The following RAB38 variants were observed in gnomAD, a reference collection of about 807,000 sequenced individuals.
RAB38 encodes the protein RAB38, member RAS oncogene family, also known as ras-related protein Rab-38.
Under a neutral mutation model 18.4 loss-of-function variants are expected in RAB38, and 15 were observed. That is an observed-to-expected ratio of 0.82 (90% CI 0.55 to 1.26). The LOEUF (loss-of-function observed/expected upper bound fraction) is 1.26, where lower values mean the gene tolerates loss of function less well. Among genes scored for constraint, RAB38 ranks in the 50% most tolerant of loss-of-function variants. RAB38 has a pLI of 0.00. For missense variants in RAB38, 294 were observed against 267.4 expected (o/e 1.10, Z -0.69); for synonymous variants, 101 against 104.4 (o/e 0.97, Z 0.20).
At chr11:87,902,185 CA>C in the RAB38 span, among the ~76,000 whole-genome samples, 1 of 151,382 alleles carries the variant, frequency 6.6e-6, no homozygotes, top group South Asian at 2.1e-4. Context: ...ACCCAAATGC[CA>C]GTGTTTTAAA....
chr11:87,969,370 TTTG>T, the RAB38 span, among the ~76,000 whole-genome samples: 2 of 152,168 alleles, frequency 1.3e-5, no homozygotes, highest in African/African-American at 4.8e-5. Flanking sequence ...AAAGTAAATA[TTTG>T]TTAACAACAT....
the RAB38 span, among the ~76,000 whole-genome samples, chr11:88,015,928 A>G: frequency 6.6e-6 from 1 of 152,144 alleles, no homozygotes; most frequent in Non-Finnish European, 1.5e-5. Context: ...TGCATCAGAG[A>G]TAGAGATCCT....
At chr11:87,804,670 T>C in the RAB38 span, among the ~76,000 whole-genome samples, 122 of 152,304 alleles carry the variant, frequency 8.0e-4, no homozygotes, top group African/African-American at 2.8e-3. Flanking sequence ...ACCTTTCTTA[T>C]GGTGCCCTCC....
At chr11:88,025,843 G>C in the RAB38 span, among the ~76,000 whole-genome samples, 3 of 152,098 alleles carry the variant, frequency 2.0e-5, no homozygotes, top group African/African-American at 7.2e-5. Context: ...TCTATTGACA[G>C]TTTATTTTGC....
At chr11:87,940,552 G>C in the RAB38 span, among the ~76,000 whole-genome samples, 1 of 151,360 alleles carries the variant, frequency 6.6e-6, no homozygotes, top group Non-Finnish European at 1.5e-5. Flanking sequence ...TTGTCAAAAG[G>C]GTTTTATACA....
At chr11:87,894,127 T>C in the RAB38 span, among the ~76,000 whole-genome samples, 1 of 151,826 alleles carries the variant, frequency 6.6e-6, no homozygotes, top group Admixed American at 6.6e-5. Context: ...TGTAAATCTT[T>C]CATTTCTTTA....
chr11:88,096,926 A>G, the RAB38 span, among the ~76,000 whole-genome samples: 10 of 151,668 alleles, frequency 6.6e-5, no homozygotes, highest in Admixed American at 2.0e-4. Context: ...CTTTTTTCAT[A>G]TCTGTTTTAT....
intron 1 of RAB38, among the ~76,000 whole-genome samples, chr11:88,169,956 C>T (rs1224812582): frequency 1.3e-5 from 2 of 152,140 alleles, no homozygotes; most frequent in Non-Finnish European, 2.9e-5. Context: ...ACATACCAGG[C>T]ACTTTATATA....
the RAB38 span, among the ~76,000 whole-genome samples, chr11:88,030,950 C>T: frequency 2.5e-4 from 38 of 151,382 alleles, no homozygotes; most frequent in Middle Eastern, 3.4e-3. Flanking sequence ...GACCAATATC[C>T]TTGATGAACA....
the RAB38 span, among the ~76,000 whole-genome samples, chr11:87,893,613 C>G: frequency 6.6e-6 from 1 of 151,228 alleles, no homozygotes; most frequent in Non-Finnish European, 1.5e-5. Context: ...CAATAGAGCT[C>G]TAAAACTTTT....
At chr11:87,892,537 G>A in the RAB38 span, among the ~76,000 whole-genome samples, 1 of 151,762 alleles carries the variant, frequency 6.6e-6, no homozygotes, top group Non-Finnish European at 1.5e-5. Context: ...TTCAGGGATT[G>A]CGGTTACTAG....
the RAB38 span, among the ~76,000 whole-genome samples, chr11:88,008,533 C>T: frequency 2.2e-4 from 33 of 152,080 alleles, no homozygotes; most frequent in African/African-American, 7.7e-4. Flanking sequence ...ATGAAGAAGC[C>T]TCCAGGTGAT....
At chr11:87,929,313 T>C in the RAB38 span, among the ~76,000 whole-genome samples, 4 of 152,024 alleles carry the variant, frequency 2.6e-5, no homozygotes, top group Admixed American at 6.6e-5. Context: ...TTTTAACAGT[T>C]TAGCATGGGC....
the RAB38 span, among the ~76,000 whole-genome samples, chr11:87,865,526 C>G: frequency 6.6e-6 from 1 of 151,530 alleles, no homozygotes; most frequent in Admixed American, 6.6e-5. Flanking sequence ...CCATAGGAAC[C>G]CAGACGCTTA....
the RAB38 span, among the ~76,000 whole-genome samples, chr11:87,870,537 C>T: frequency 6.6e-6 from 1 of 151,576 alleles, no homozygotes; most frequent in Non-Finnish European, 1.5e-5. Context: ...TGGCCTTTGG[C>T]TTTTCTGGCC....
the RAB38 span, among the ~76,000 whole-genome samples, chr11:87,821,731 A>C: frequency 6.6e-6 from 1 of 151,866 alleles, no homozygotes; most frequent in South Asian, 2.1e-4. Flanking sequence ...GGTACCTGTA[A>C]TCTCAGCTAC....
chr11:87,976,472 ATAGT>A, the RAB38 span, among the ~76,000 whole-genome samples: 14 of 129,326 alleles, frequency 1.1e-4, no homozygotes, highest in African/African-American at 3.9e-4. Flanking sequence ...TATTTTACAT[ATAGT>A]TATATATTTT....
At chr11:88,062,931 C>A in the RAB38 span, among the ~76,000 whole-genome samples, 7 of 152,136 alleles carry the variant, frequency 4.6e-5, no homozygotes, top group East Asian at 1.9e-4. Flanking sequence ...AATTGTTGAA[C>A]CTGGATGATG....
At chr11:88,076,158 T>TA in the RAB38 span, among the ~76,000 whole-genome samples, 7 of 151,310 alleles carry the variant, frequency 4.6e-5, no homozygotes, top group Non-Finnish European at 7.4e-5. Flanking sequence ...ACCACAAAAA[T>TA]AGAAAGCATC....
Sources: allele counts gnomAD v4.1 joint callset (sites outside exome capture counted in the v4.1 genomes callset), GRCh38; gene constraint gnomAD v4.1.1; transcripts MANE v1.5; gene names NCBI Gene and HGNC (gene_info 2026-07-23, HGNC 2026-07-21).